Variants in WDR33 observed in about 807,000 individuals in gnomAD.
WDR33 encodes pre-mRNA 3' end processing protein WDR33.
WDR33 carries 47 observed loss-of-function variants against 164.9 expected under a neutral mutation model. The observed-to-expected ratio is 0.29, with a 90% CI of 0.23 to 0.36. The LOEUF (loss-of-function observed/expected upper bound fraction) is 0.36, where lower values mean the gene tolerates loss of function less well. Among genes scored for constraint, WDR33 ranks in the 10% least tolerant of loss-of-function variants. WDR33 has a pLI of 1.00. For synonymous variants in WDR33, 505 were observed against 589.0 expected (o/e 0.86, Z 2.06); for missense variants, 1,137 against 1,754.1 (o/e 0.65, Z 6.28).
At chr2:127,742,336 T>C (rs551536477) in intron 7 of WDR33, among the ~76,000 whole-genome samples, 1 of 151,918 alleles carries the variant, frequency 6.6e-6, no homozygotes, top group African/African-American at 2.4e-5. Flanking sequence ...GAGAACAGAC[T>C]AGGCAACAAA....
chr2:127,759,942 T>C (rs1687628546), intron 7 of WDR33, among the ~76,000 whole-genome samples: 1 of 152,124 alleles, frequency 6.6e-6, no homozygotes, highest in African/African-American at 2.4e-5. Context: ...ACAGGAACAC[T>C]GTATGCTTAA....
In WDR33 at chr2:127,762,728, A is replaced by C. The variant is rs781734971; in HGVS notation, c.724+334T>G. On this transcript the variant is annotated intron_variant, in intron 7 of 21. Coordinates refer to ENST00000322313, the MANE Select transcript of WDR33 (RefSeq NM_018383.5). ...AGGAGAATGACGGCTATCTAAATCAAACCACAGTGTCAATATGTTGGGAAC... is the reference window on the plus strand; with the variant it reads ...AGGAGAATGACGGCTATCTAAATCACACCACAGTGTCAATATGTTGGGAAC... The C allele has an allele frequency of 1.9e-5, 20 of 1,056,758 alleles. No individual in the cohort carries two copies. The Admixed American group carries it at 2.5e-4, about 13-fold the overall frequency. The allele number at this position is 1,056,758 out of a possible 1,614,324, so 65.5% of individuals were successfully genotyped here.
At chr2:127,810,305 A>C (rs1689604018) in intron 1 of WDR33, among the ~76,000 whole-genome samples, 1 of 152,146 alleles carries the variant, frequency 6.6e-6, no homozygotes. Context: ...AATAGATCCA[A>C]TTACGGAATT....
At chr2:127,715,050 G>A (rs558624456) in intron 17 of WDR33, among the ~76,000 whole-genome samples, 2 of 147,258 alleles carry the variant, frequency 1.4e-5, no homozygotes, top group South Asian at 2.2e-4. Context: ...CACCTCCCCC[G>A]CAACAGCATC....
Position 127,735,976 on chromosome 2 carries a change from A to G in WDR33, c.725-9199T>C. On this transcript the variant is annotated intron_variant, in intron 7 of 21. Coordinates refer to ENST00000322313, the MANE Select transcript of WDR33 (RefSeq NM_018383.5). The surrounding 1 kb of genome is among the most constrained non-coding windows in gnomAD (Gnocchi z 4.3). Reference sequence around the variant, plus strand: ...GAAAGGGGGTATGCCTAGGCAGGGCAGTGTTTTCACAATGTATGTTCCAAC... The same window carrying G: ...GAAAGGGGGTATGCCTAGGCAGGGCGGTGTTTTCACAATGTATGTTCCAAC... 2.0e-6 allele frequency: 2 copies of G among 985,462 alleles called. No individual in the cohort carries two copies. The highest frequency in any genetic ancestry group is 2.4e-6 in the Non-Finnish European group (2 of 829,932). 61.0% of individuals were successfully genotyped at this position (985,462 alleles called of 1,614,324 possible).
intron 1 of WDR33, among the ~76,000 whole-genome samples, chr2:127,788,465 G>C (rs1426394227): frequency 7.7e-6 from 1 of 130,424 alleles, no homozygotes; most frequent in Non-Finnish European, 1.6e-5. Flanking sequence ...GGCTGGCCGG[G>C]CGGGGGGCTG....
intron 1 of WDR33, among the ~76,000 whole-genome samples, chr2:127,780,781 G>A (rs1282404784): frequency 6.6e-6 from 1 of 152,178 alleles, no homozygotes; most frequent in Non-Finnish European, 1.5e-5. Context: ...AGACTGCAGT[G>A]AGCCATGATC....
intron 1 of WDR33, among the ~76,000 whole-genome samples, chr2:127,807,628 A>C (rs2104693675): frequency 6.6e-6 from 1 of 152,344 alleles, no homozygotes; most frequent in Non-Finnish European, 1.5e-5. Flanking sequence ...AGGACTGAAC[A>C]GAATAGGAAT....
At chr2:127,767,814 A>G (rs1687869377) in intron 4 of WDR33, among the ~76,000 whole-genome samples, 1 of 152,212 alleles carries the variant, frequency 6.6e-6, no homozygotes, top group Non-Finnish European at 1.5e-5. Context: ...ACAGTTCTTC[A>G]GCTCTCAGAT....
chr2:127,720,592 T>C lies in WDR33; in HGVS notation c.1672-239A>G, dbSNP rs1306415341. ...AGTAAGGATTTTTTTTTCCTTATTT[T>C]TTTTTTCTGTCCCCCAAGCTGGAAT... On this transcript the variant is annotated intron_variant, in intron 15 of 21. Transcript: ENST00000322313. This position sits in a 1 kb window ranked among gnomAD's most constrained non-coding sequence, Gnocchi z 5.9. Among the ~76,000 whole-genome samples the C allele has an allele frequency of 6.6e-6, 1 of 152,150 alleles. No individual in the cohort carries two copies. Among genetic ancestry groups the C allele is most frequent in the South Asian group, 2.1e-4 (1 of 4,828 alleles).
In WDR33 at chr2:127,709,476, G is replaced by A. The variant is rs746399463; in HGVS notation, c.3565+14C>T. The A allele has an allele frequency of 3.1e-6, 5 of 1,613,288 alleles. No individual in the cohort carries two copies. In the Admixed American group the frequency reaches 6.7e-5, roughly 22 times the overall value. On this transcript the variant is annotated intron_variant, in intron 20 of 21. Coordinates refer to ENST00000322313, the MANE Select transcript of WDR33 (RefSeq NM_018383.5). The surrounding 1 kb of genome is among the most constrained non-coding windows in gnomAD (Gnocchi z 5.0). ...GCAGTCTAGAGTTACCCAACAAGCG[G>A]TTCTTTTCCTTACCAGGCTCTCTGT...
rs933538993 is a variant in WDR33 at position 127,804,282 on chromosome 2, G to A, written c.-24+6730C>T. On this transcript the variant is annotated intron_variant, in intron 1 of 21. Coordinates refer to ENST00000322313, the MANE Select transcript of WDR33 (RefSeq NM_018383.5). ...CTTGCAGTGAGCCAAGATCATCCCA[G>A]CCTGGGAGACAGAGCGAGACTCTGT... is the stretch of plus-strand genomic sequence containing the variant. 2.6e-5 allele frequency among the ~76,000 whole-genome samples: 4 copies of A among 151,998 alleles called. 1 individual carries two copies. Among genetic ancestry groups the A allele is most frequent in the Admixed American group, 1.3e-4 (2 of 15,242 alleles).
chr2:127,754,870 A>T (rs565540433), intron 7 of WDR33, among the ~76,000 whole-genome samples: 4 of 152,178 alleles, frequency 2.6e-5, no homozygotes, highest in Non-Finnish European at 5.9e-5. Flanking sequence ...ATCTGAAAAT[A>T]ACTATAATCG....
intron 7 of WDR33, among the ~76,000 whole-genome samples, chr2:127,755,648 G>A (rs1390219452): frequency 6.6e-6 from 1 of 152,130 alleles, no homozygotes; most frequent in African/African-American, 2.4e-5. Flanking sequence ...TTTGTGTGTG[G>A]CAGTCATCAA....
intron 1 of WDR33, among the ~76,000 whole-genome samples, chr2:127,806,396 C>T (rs3732199): frequency 0.022 from 3,384 of 151,784 alleles, 41 homozygotes; most frequent in African/African-American, 0.032. Context: ...TTAGTAGAGA[C>T]GAGGTTACAC....
rs1685926080 is a variant in WDR33, at chr2:127,702,783, T to G, written c.*3540A>C. Reference sequence around the variant, plus strand: ...GTGCCTTATAACATGAAAGGAAAATTAGTTGTGTATTTCACGACGAAAGCG... The same window carrying G: ...GTGCCTTATAACATGAAAGGAAAATGAGTTGTGTATTTCACGACGAAAGCG... On this transcript the variant is annotated 3_prime_UTR_variant, in exon 22 of 22. Coordinates refer to ENST00000322313, the MANE Select transcript of WDR33 (RefSeq NM_018383.5). 6.0e-6 allele frequency: 1 copy of G among 167,066 alleles called. No individual in the cohort carries two copies. 10.3% of individuals were successfully genotyped at this position (167,066 alleles called of 1,614,324 possible).
chr2:127,799,628 C>G (rs1689165641), intron 1 of WDR33, among the ~76,000 whole-genome samples: 1 of 151,710 alleles, frequency 6.6e-6, no homozygotes, highest in South Asian at 2.1e-4. Flanking sequence ...AACCCCATAT[C>G]TACTAAAAAT....
chr2:127,748,987 C>G lies in WDR33; in HGVS notation c.724+14075G>C, dbSNP rs144025013. ...ATAAAGCAAGATTTTCATATGCACT[C>G]TTTTGATGAAAGATTTTTAAAATTT... On this transcript the variant is annotated intron_variant, in intron 7 of 21. Transcript: ENST00000322313. 8.2e-4 allele frequency among the ~76,000 whole-genome samples: 124 copies of G among 151,650 alleles called. 1 individual carries two copies. The highest frequency in any genetic ancestry group is 2.9e-3 in the African/African-American group (121 of 41,350).
In WDR33 at chr2:127,765,040, C is replaced by T. The variant is rs1687782987; in HGVS notation, c.475-61G>A. The T allele has an allele frequency of 6.3e-6, 10 of 1,584,904 alleles. No individual in the cohort carries two copies. In the South Asian group the frequency reaches 7.9e-5, roughly 13 times the overall value. On this transcript the variant is annotated intron_variant, in intron 5 of 21. Transcript: ENST00000322313. The stretch of plus-strand genomic sequence containing the variant: ...GCTTCAAAGAATATATGACTAAAGG[C>T]TTACAAGAGCATATAACTGACTCGA...
Sources: gnomAD v4.1 joint callset for allele counts (sites outside exome capture counted in the v4.1 genomes callset) on GRCh38, gnomAD v4.1.1 for gene constraint, Gnocchi (gnomAD v3.1) non-coding constraint, MANE v1.5 for transcripts, NCBI Gene and HGNC (gene_info 2026-07-23, HGNC 2026-07-21) for gene names.